The following SLC5A10 variants were observed in gnomAD, a reference collection of about 807,000 sequenced individuals.
The protein encoded by SLC5A10 is sodium/mannose cotransporter SLC5A10.
In SLC5A10, 55 loss-of-function variants were observed where a neutral mutation model predicts 68.9. That is an observed-to-expected ratio of 0.80 (90% CI 0.64 to 1.00). The LOEUF is 1.00. SLC5A10 is among the 50% of genes least tolerant of loss of function. The probability of loss-of-function intolerance (pLI) is 0.00; values close to 1 mark genes in which losing one functional copy is unlikely to be tolerated. For missense variants in SLC5A10, 732 were observed against 819.3 expected, an observed-to-expected ratio of 0.89 and a Z score of 1.30; for synonymous variants, 344 against 344.8, an observed-to-expected ratio of 1.00 and a Z score of 0.02.
chr17:19,019,522 C>G lies in SLC5A10; in HGVS notation c.1341C>G (p.Thr447=), dbSNP rs780216479. ...TCTTCATCTACATGCAGTCAGTGAC[C>G]AGCTCCCTGGCCCCACCAGTGACTG... ...GQLFIYMQSV[T]SSLAPPVTAV... The change falls in exon 12 of 15, where the codon ACC becomes ACG. Residue 447 remains threonine (T), a synonymous_variant. Coordinates refer to ENST00000395645, the MANE Select transcript of SLC5A10 (RefSeq NM_001042450.4). 1.2e-6 allele frequency: 2 copies of G among 1,612,428 alleles called. No individual in the cohort carries two copies. Among genetic ancestry groups the G allele is most frequent in the South Asian group, 1.1e-5 (1 of 91,082 alleles).
intron 9 of SLC5A10, among the ~76,000 whole-genome samples, chr17:18,981,827 C>T (rs1394431506): frequency 3.9e-5 from 6 of 152,188 alleles, no homozygotes; most frequent in African/African-American, 4.8e-5. Context: ...AAGCTGGCCA[C>T]GGCCCAGGAC....
At chr17:18,957,339 A>C (rs1381741527) in intron 1 of SLC5A10, among the ~76,000 whole-genome samples, 1 of 152,246 alleles carries the variant, frequency 6.6e-6, no homozygotes, top group Non-Finnish European at 1.5e-5. Context: ...ACAAAATTCT[A>C]TACTCCCCGT....
At chr17:18,961,425 G>A (rs1036817873) in intron 5 of SLC5A10, among the ~76,000 whole-genome samples, 1 of 152,142 alleles carries the variant, frequency 6.6e-6, no homozygotes, top group African/African-American at 2.4e-5. Context: ...CTGTGCCTGG[G>A]GCTCCTCCCT....
At chr17:18,987,495 C>A (rs1330957962) in intron 9 of SLC5A10, among the ~76,000 whole-genome samples, 2 of 152,228 alleles carry the variant, frequency 1.3e-5, no homozygotes, top group African/African-American at 2.4e-5. Context: ...AGAAGGAGGG[C>A]TCCAGACACC....
Position 19,003,771 on chromosome 17 carries a change from CGGGCCCCTGAGAGGGGCCCGT to C in SLC5A10, c.983-9637_983-9617del. 1 of 1,610,040 alleles carries C rather than the reference CGGGCCCCTGAGAGGGGCCCGT, an allele frequency of 6.2e-7. No individual in the cohort carries two copies. Among genetic ancestry groups the C allele is most frequent in the South Asian group, 1.1e-5 (1 of 90,930 alleles). On this transcript the variant is annotated intron_variant, in intron 9 of 14. Coordinates refer to ENST00000395645, the MANE Select transcript of SLC5A10 (RefSeq NM_001042450.4). The surrounding 1 kb of genome is among the most constrained non-coding windows in gnomAD (Gnocchi z 4.5). ...TCGCCGTCGCCGACCCCATTGTCCT[CGGGCCCCTGAGAGGGGCCCGT>C]GCCCCGAGGGTCCTCAGAGCCCGGG...
Position 19,019,692 on chromosome 17 carries a change from C to G in SLC5A10, c.1411-21C>G, listed in dbSNP as rs551541948. 1.9e-4 allele frequency: 299 copies of G among 1,605,406 alleles called. 2 individuals are homozygous for G. In the South Asian group the frequency reaches 3.0e-3, roughly 16 times the overall value. On this transcript the variant is annotated intron_variant, in intron 12 of 14. Coordinates refer to ENST00000395645, the MANE Select transcript of SLC5A10 (RefSeq NM_001042450.4). ...GGTCCTCCTCCCGTAGCCCCACATG[C>G]CCTGCCTCCCTCCTCCCCAGGGGGC...
intron 9 of SLC5A10, among the ~76,000 whole-genome samples, chr17:19,011,854 G>C (rs2044021874): frequency 6.6e-6 from 1 of 151,708 alleles, no homozygotes; most frequent in Middle Eastern, 3.2e-3. Context: ...TGGCCTGGGG[G>C]AAGGGGTGTG....
At chr17:18,977,445 T>A in intron 9 of SLC5A10, 1 of 876,704 alleles carries the variant, frequency 1.1e-6, no homozygotes, top group Non-Finnish European at 1.7e-6. Flanking sequence ...TGCCTGTTCA[T>A]CAAGTTTCCC....
rs1156513958 is a variant in SLC5A10 at position 19,000,383 on chromosome 17, G to T, written c.983-13027G>T. 6.6e-6 allele frequency among the ~76,000 whole-genome samples: 1 copy of T among 152,198 alleles called. No homozygotes were observed. The highest frequency in any genetic ancestry group is 2.4e-5 in the African/African-American group (1 of 41,452). On this transcript the variant is annotated intron_variant, in intron 9 of 14. Transcript: ENST00000395645. The surrounding 1 kb of genome is among the most constrained non-coding windows in gnomAD (Gnocchi z 5.2). ...TCCCATTTTACAGATGGGATGACCG[G>T]GGCTTGGAGAGGAGCTGGGGCTTGT...
In SLC5A10 at chr17:18,969,164, T is replaced by A. The variant is rs935755405; in HGVS notation, c.559+7T>A. ...GCCCTGTACACCATCGCAGGTATGG[T>A]GCCTGCAGCAGGGAGGTCCACCCAG... On this transcript the variant is annotated splice_region_variant and intron_variant, in intron 6 of 14. Coordinates refer to ENST00000395645, the MANE Select transcript of SLC5A10 (RefSeq NM_001042450.4). 6.2e-7 allele frequency: 1 copy of A among 1,613,016 alleles called. No homozygotes were observed. The highest frequency in any genetic ancestry group is 8.5e-7 in the Non-Finnish European group (1 of 1,179,514).
intron 8 of SLC5A10, chr17:18,976,247 A>T (rs540654539): frequency 6.6e-6 from 1 of 152,218 alleles, no homozygotes; most frequent in East Asian, 1.9e-4. Flanking sequence ...GAGATCTCAG[A>T]CATTATGGGT....
intron 5 of SLC5A10, among the ~76,000 whole-genome samples, chr17:18,965,738 C>T (rs967134704): frequency 6.6e-6 from 1 of 152,228 alleles, no homozygotes; most frequent in Non-Finnish European, 1.5e-5. Context: ...GTGGTGGCTA[C>T]ATGGTGCCAG....
At chr17:18,952,542 G>A in intron 1 of SLC5A10, 2 of 504,600 alleles carry the variant, frequency 4.0e-6, no homozygotes, top group Non-Finnish European at 7.0e-6. Context: ...TGAGGAGGAG[G>A]AAATTCTCTC....
Position 18,969,395 on chromosome 17 carries a change from G to T in SLC5A10, c.613G>T (p.Val205Leu), listed in dbSNP as rs564076607. The part of the protein sequence containing the change: ...TDALQTLIMV[V>L]GAVILTIKAF... ...CGCCCTGCAGACGCTCATCATGGTG[G>T]TGGGGGCTGTCATCCTGACAATCAA... Residue 205 changes from valine to leucine, a missense_variant, in exon 7 of 15, where the codon GTG becomes TTG. Coordinates refer to ENST00000395645, the MANE Select transcript of SLC5A10 (RefSeq NM_001042450.4). 5 of 1,613,830 alleles carry T rather than the reference G, an allele frequency of 3.1e-6. No homozygotes were observed. In the South Asian group the frequency reaches 5.5e-5, roughly 18 times the overall value.
At chr17:18,979,481 T>C in intron 9 of SLC5A10, 1 of 1,583,068 alleles carries the variant, frequency 6.3e-7, no homozygotes, top group Non-Finnish European at 8.6e-7. Flanking sequence ...GGGTTAGGAT[T>C]AAGGGCAGAA....
intron 3 of SLC5A10, 55 bp downstream of exon 3, chr17:18,959,294 G>A (rs1010267805): frequency 6.4e-6 from 10 of 1,559,272 alleles, no homozygotes; most frequent in African/African-American, 2.7e-5. Flanking sequence ...GGATGTGGTC[G>A]CAGCACTGGA....
At chr17:18,961,632 T>G (rs2042615209) in intron 5 of SLC5A10, among the ~76,000 whole-genome samples, 1 of 152,142 alleles carries the variant, frequency 6.6e-6, no homozygotes, top group South Asian at 2.1e-4. Context: ...GGCGTCGATT[T>G]AGTGAAGGGA....
intron 9 of SLC5A10, among the ~76,000 whole-genome samples, chr17:18,995,224 A>G (rs28896808): frequency 0.13 from 19,883 of 152,282 alleles, 1,395 homozygotes; most frequent in African/African-American, 0.16. Flanking sequence ...CTGGCAGATA[A>G]AGACATAAAA....
intron 9 of SLC5A10, among the ~76,000 whole-genome samples, chr17:18,984,186 CA>C (rs1245974686): frequency 6.6e-6 from 1 of 151,894 alleles, no homozygotes; most frequent in Non-Finnish European, 1.5e-5. Flanking sequence ...ACTAAAAATA[CA>C]AAAAATTAGC....
Sources: gnomAD v4.1 joint callset for allele counts (sites outside exome capture counted in the v4.1 genomes callset) on GRCh38, gnomAD v4.1.1 for gene constraint, Gnocchi (gnomAD v3.1) non-coding constraint, MANE v1.5 for transcripts, NCBI Gene and HGNC (gene_info 2026-07-23, HGNC 2026-07-21) for gene names.